CFAP68: variants seen among roughly 807,000 people sequenced by gnomAD.
CFAP68 encodes the protein cilia and flagella associated protein 68.
chr11:111,879,589 C>A, the CFAP68 span: 1 of 1,613,974 alleles, frequency 6.2e-7, no homozygotes, highest in African/African-American at 1.3e-5. Flanking sequence ...CTCTGCTGCT[C>A]AAAATTTCTC....
chr11:111,881,436 C>T, the CFAP68 span: 7 of 1,534,758 alleles, frequency 4.6e-6, no homozygotes, highest in Non-Finnish European at 6.1e-6. Context: ...ACTCCCAAAT[C>T]ATGGCCACTT....
chr11:111,883,953 T>G, the CFAP68 span: 2 of 1,131,858 alleles, frequency 1.8e-6, no homozygotes, highest in Admixed American at 4.3e-5. Context: ...TAAGAAATGA[T>G]AAGATACTTC....
At chr11:111,881,581 C>G in the CFAP68 span, 1 of 1,535,902 alleles carries the variant, frequency 6.5e-7, no homozygotes. Context: ...AAGAGCTCAA[C>G]CTACTCAGCA....
chr11:111,883,636 TA>T, the CFAP68 span: 1 of 674,548 alleles, frequency 1.5e-6, no homozygotes, highest in Non-Finnish European at 2.6e-6. Context: ...CATGAATGAG[TA>T]AACAGGATTT....
the CFAP68 span, chr11:111,882,375 AC>A: frequency 2.5e-6 from 4 of 1,613,502 alleles, no homozygotes; most frequent in South Asian, 4.4e-5. Flanking sequence ...CAGAGACAGA[AC>A]CTCGCCTGTT....
At chr11:111,880,824 G>C in the CFAP68 span, 7 of 456,246 alleles carry the variant, frequency 1.5e-5, no homozygotes, top group Non-Finnish European at 3.1e-5. Context: ...AGAACATGCT[G>C]TATTTGGTTC....
At chr11:111,883,250 A>G in the CFAP68 span, 1 of 1,446,886 alleles carries the variant, frequency 6.9e-7, no homozygotes, top group South Asian at 1.2e-5. Context: ...AACCTAACTC[A>G]GTGACCGGCA....
chr11:111,881,569 C>G, the CFAP68 span: 5 of 1,535,880 alleles, frequency 3.3e-6, no homozygotes, highest in South Asian at 1.2e-5. Flanking sequence ...AAGAAATCTT[C>G]AAAGAGCTCA....
the CFAP68 span, chr11:111,880,677 C>T: frequency 2.4e-6 from 1 of 423,848 alleles, no homozygotes; most frequent in African/African-American, 2.1e-5. Flanking sequence ...ACCAGCTGCC[C>T]TCAGGGTTGC....
At chr11:111,880,335 G>A in the CFAP68 span, among the ~76,000 whole-genome samples, 2 of 152,200 alleles carry the variant, frequency 1.3e-5, no homozygotes, top group Admixed American at 6.5e-5. Flanking sequence ...CTTGAATAGG[G>A]GCTAGGTAAA....
At chr11:111,881,020 C>A in the CFAP68 span, 1 of 326,864 alleles carries the variant, frequency 3.1e-6, no homozygotes, top group Non-Finnish European at 5.8e-6. Flanking sequence ...CAAGAGGCAA[C>A]TGCAATAATG....
chr11:111,883,981 T>C, the CFAP68 span: 9 of 851,392 alleles, frequency 1.1e-5, no homozygotes, highest in Non-Finnish European at 1.6e-5. Context: ...CAGAGTGAAA[T>C]GTAGGAGGGA....
At chr11:111,885,742 T>C in the CFAP68 span, 1 of 152,206 alleles carries the variant, frequency 6.6e-6, no homozygotes, top group East Asian at 1.9e-4. Flanking sequence ...TGCCCATATG[T>C]TGTCCTCGTA....
the CFAP68 span, chr11:111,883,211 A>G: frequency 5.1e-6 from 8 of 1,558,440 alleles, no homozygotes; most frequent in African/African-American, 9.5e-5. Context: ...TAGTACGTGG[A>G]CTGTTTTTTC....
chr11:111,882,379 C>T, the CFAP68 span: 22 of 1,613,662 alleles, frequency 1.4e-5, no homozygotes, highest in East Asian at 1.3e-4. Context: ...GACAGAACCT[C>T]GCCTGTTTCC....
chr11:111,882,130 G>A, the CFAP68 span, among the ~76,000 whole-genome samples: 403 of 152,132 alleles, frequency 2.6e-3, no homozygotes, highest in African/African-American at 9.0e-3. Flanking sequence ...GTCTCTTCAC[G>A]GGGCCTGGGG....
the CFAP68 span, chr11:111,884,147 C>T: frequency 3.3e-6 from 1 of 301,866 alleles, no homozygotes; most frequent in African/African-American, 2.2e-5. Flanking sequence ...CAACTCAGTT[C>T]TACATTTGGG....
chr11:111,882,746 C>A, the CFAP68 span: 1 of 719,596 alleles, frequency 1.4e-6, no homozygotes, highest in Non-Finnish European at 2.2e-6. Flanking sequence ...GAACAGTCCG[C>A]AGCTGAACCA....
At chr11:111,881,462 G>C in the CFAP68 span, 3 of 1,535,916 alleles carry the variant, frequency 2.0e-6, no homozygotes, top group Non-Finnish European at 2.6e-6. Flanking sequence ...TGGTAATCTG[G>C]GTGATTCTTT....
Sources: gnomAD v4.1 joint callset for allele counts (sites outside exome capture counted in the v4.1 genomes callset) on GRCh38, gnomAD v4.1.1 for gene constraint, MANE v1.5 for transcripts, NCBI Gene and HGNC (gene_info 2026-07-23, HGNC 2026-07-21) for gene names.